Variants in BMERB1 observed in about 807,000 individuals in gnomAD.
BMERB1 encodes bMERB domain-containing protein 1.
A neutral mutation model predicts 23.6 loss-of-function variants in BMERB1; 12 were observed. The observed-to-expected ratio is 0.51, with a 90% CI of 0.33 to 0.82. The LOEUF is 0.82. Among genes scored for constraint, BMERB1 ranks in the 40% least tolerant of loss-of-function variants. The pLI is 0.03. For missense variants in BMERB1, 247 were observed against 255.4 expected (o/e 0.97, Z 0.22); for synonymous variants, 122 against 96.6 (o/e 1.26, Z -1.54).
intron 1 of BMERB1, among the ~76,000 whole-genome samples, chr16:15,500,877 C>G (rs2051520823): frequency 6.6e-6 from 1 of 152,148 alleles, no homozygotes; most frequent in Non-Finnish European, 1.5e-5. Context: ...GTGTCGATCT[C>G]CTGACCTCAA....
Position 15,567,978 on chromosome 16 carries a change from C to T in BMERB1, c.231-5C>T. On this transcript the variant is annotated splice_polypyrimidine_tract_variant and splice_region_variant and intron_variant, in intron 2 of 5. Transcript: ENST00000300006. ...CCTGCTGTTGATGGTGTCCTGTTTC[C>T]CCAGGATGGATGACATCCAGCTCTG... The T allele has an allele frequency of 1.2e-6, 2 of 1,611,994 alleles. No individual in the cohort carries two copies. Among genetic ancestry groups the T allele is most frequent in the Non-Finnish European group, 1.7e-6 (2 of 1,178,376 alleles).
chr16:15,525,574 G>A (rs865780095), intron 2 of BMERB1, among the ~76,000 whole-genome samples: 12 of 152,034 alleles, frequency 7.9e-5, no homozygotes, highest in Middle Eastern at 3.4e-3. Flanking sequence ...CTGTGGTGGC[G>A]TGTGCTTTCA....
At chr16:15,505,041 A>G (rs1488201369) in intron 1 of BMERB1, among the ~76,000 whole-genome samples, 2 of 152,158 alleles carry the variant, frequency 1.3e-5, no homozygotes, top group Non-Finnish European at 2.9e-5. Flanking sequence ...GACTTAACCC[A>G]TGGCTGAGAA....
Position 15,498,638 on chromosome 16 carries a change from GAGGA to G in BMERB1, c.107-16655_107-16652del, listed in dbSNP as rs1299915179. Among the ~76,000 whole-genome samples the G allele has an allele frequency of 3.3e-5, 5 of 151,252 alleles. No homozygotes were observed. The South Asian group carries it at 1.1e-3, about 32-fold the overall frequency. On this transcript the variant is annotated intron_variant, in intron 1 of 5. Transcript: ENST00000300006. ...GAAAAAAGAAAGAGAAAGGAAGAAA[GAGGA>G]AGGAAGGAAGGGAAGATGGAACTAA...
At chr16:15,541,905 ATTTTTTTTT>A (rs35159147) in intron 2 of BMERB1, among the ~76,000 whole-genome samples, 1 of 110,046 alleles carries the variant, frequency 9.1e-6, no homozygotes, top group African/African-American at 3.1e-5. Flanking sequence ...CCCGGCCTAA[ATTTTTTTTT>A]TTTTTTTTTT....
At chr16:15,536,800 C>T (rs1192654540) in intron 2 of BMERB1, 2 of 152,334 alleles carry the variant, frequency 1.3e-5, no homozygotes, top group Non-Finnish European at 2.9e-5. Flanking sequence ...CTGATGCCCC[C>T]TCACCTCCCA....
At chr16:15,543,419 G>A (rs1256886554) in intron 2 of BMERB1, among the ~76,000 whole-genome samples, 20 of 152,132 alleles carry the variant, frequency 1.3e-4, no homozygotes, top group Admixed American at 1.3e-3. Context: ...CCAGGCTTGA[G>A]GGTGGAGCCC....
intron 1 of BMERB1, among the ~76,000 whole-genome samples, chr16:15,505,458 A>G (rs1399432590): frequency 2.0e-5 from 3 of 152,224 alleles, no homozygotes; most frequent in African/African-American, 7.2e-5. Flanking sequence ...AGCAGGCTAT[A>G]GTATTTAGCA....
intron 5 of BMERB1, chr16:15,584,026 G>C: frequency 1.4e-6 from 1 of 702,354 alleles, no homozygotes; most frequent in Non-Finnish European, 2.6e-6. Context: ...CTCTGGAGAA[G>C]CCAGAAGCAT....
rs556499156 is a variant in BMERB1, at chr16:15,513,242, A to C, written c.107-2063A>C. Among the ~76,000 whole-genome samples, 7 of 152,314 alleles carry C rather than the reference A, an allele frequency of 4.6e-5. No individual in the cohort carries two copies. The East Asian group carries it at 1.3e-3, about 29-fold the overall frequency. ...GAACGTTCTTCACTGGAACATTCTT[A>C]CGGTGAAAATAATTCTTACATTTTT... On this transcript the variant is annotated intron_variant, in intron 1 of 5. Transcript: ENST00000300006.
chr16:15,519,907 A>G (rs1390475465), intron 2 of BMERB1, among the ~76,000 whole-genome samples: 1 of 152,064 alleles, frequency 6.6e-6, no homozygotes, highest in Non-Finnish European at 1.5e-5. Flanking sequence ...GAATGGTGAG[A>G]ACTCGGGAGA....
At chr16:15,534,522 CCA>C (rs2052006775) in intron 2 of BMERB1, among the ~76,000 whole-genome samples, 8 of 151,998 alleles carry the variant, frequency 5.3e-5, no homozygotes, top group Non-Finnish European at 4.4e-5. Flanking sequence ...CCACTACACT[CCA>C]GCCTGGGCAA....
chr16:15,544,781 A>C (rs752695334), intron 2 of BMERB1, among the ~76,000 whole-genome samples: 2 of 152,126 alleles, frequency 1.3e-5, no homozygotes, highest in African/African-American at 4.8e-5. Context: ...AGCTCATATG[A>C]GTGACTGCTA....
intron 2 of BMERB1, among the ~76,000 whole-genome samples, chr16:15,533,418 T>TA (rs1240328160): frequency 6.7e-6 from 1 of 150,326 alleles, no homozygotes; most frequent in African/African-American, 2.5e-5. Flanking sequence ...TTTCCTGAGA[T>TA]AGAGTCTATT....
At chr16:15,475,138 G>C (rs1019602700) in intron 1 of BMERB1, among the ~76,000 whole-genome samples, 1 of 152,160 alleles carries the variant, frequency 6.6e-6, no homozygotes, top group African/African-American at 2.4e-5. Context: ...CTTCCTGGTA[G>C]GGGGTGTACG....
chr16:15,551,694 C>T (rs376474494), intron 2 of BMERB1, among the ~76,000 whole-genome samples: 2 of 152,134 alleles, frequency 1.3e-5, no homozygotes, highest in Non-Finnish European at 2.9e-5. Context: ...AGATACTACC[C>T]GAGACTGGGT....
intron 2 of BMERB1, among the ~76,000 whole-genome samples, chr16:15,565,510 C>G (rs977027230): frequency 6.6e-6 from 1 of 152,138 alleles, no homozygotes; most frequent in African/African-American, 2.4e-5. Context: ...TTTGCTGTTG[C>G]AAGCCTCAGA....
intron 1 of BMERB1, among the ~76,000 whole-genome samples, chr16:15,449,158 A>G (rs1032318597): frequency 1.3e-4 from 20 of 152,250 alleles, no homozygotes; most frequent in African/African-American, 4.8e-4. Flanking sequence ...GCCTATTGAC[A>G]GTGGATTGGA....
At chr16:15,576,488 A>T (rs186773515) in intron 3 of BMERB1, among the ~76,000 whole-genome samples, 3 of 152,302 alleles carry the variant, frequency 2.0e-5, no homozygotes, top group Non-Finnish European at 4.4e-5. Flanking sequence ...ATCCAAGCTT[A>T]TGTAAGCACA....
Sources: allele counts gnomAD v4.1 joint callset (sites outside exome capture counted in the v4.1 genomes callset), GRCh38; gene constraint gnomAD v4.1.1; transcripts MANE v1.5; gene names NCBI Gene and HGNC (gene_info 2026-07-23, HGNC 2026-07-21).